The following SORBS2 variants were observed in gnomAD, a reference collection of about 807,000 sequenced individuals.
SORBS2 encodes the protein sorbin and SH3 domain containing 2.
Under a neutral mutation model 97.7 loss-of-function variants are expected in SORBS2, and 46 were observed. The observed-to-expected ratio is 0.47, with a 90% confidence interval of 0.37 to 0.60. The LOEUF (loss-of-function observed/expected upper bound fraction) is 0.60, where lower values mean the gene tolerates loss of function less well. SORBS2 is among the 20% of genes least tolerant of loss of function. The pLI is 0.00. For missense variants in SORBS2, 1,316 were observed against 1,282.3 expected, an observed-to-expected ratio of 1.03 and a Z score of -0.40; for synonymous variants, 476 against 473.4, an observed-to-expected ratio of 1.01 and a Z score of -0.07.
At chr4:185,664,042 GA>G (rs2097562110) in intron 4 of SORBS2, among the ~76,000 whole-genome samples, 1 of 151,570 alleles carries the variant, frequency 6.6e-6, no homozygotes, top group Non-Finnish European at 1.5e-5. Context: ...TTTTAGTAGA[GA>G]CGGGGTTTCA....
chr4:185,775,613 C>T (rs1584623460), intron 1 of SORBS2: 1 of 152,316 alleles, frequency 6.6e-6, no homozygotes, highest in Middle Eastern at 3.4e-3. Context: ...TTGAGGAAAA[C>T]TGCCAGCACC....
intron 1 of SORBS2, among the ~76,000 whole-genome samples, chr4:185,799,267 C>T (rs1447905561): frequency 2.0e-5 from 3 of 152,142 alleles, no homozygotes; most frequent in Non-Finnish European, 4.4e-5. Flanking sequence ...ATGAGATTCA[C>T]TTAAAGTTTG....
At chr4:185,794,850 G>A (rs1221170858) in intron 1 of SORBS2, among the ~76,000 whole-genome samples, 1 of 152,082 alleles carries the variant, frequency 6.6e-6, no homozygotes, top group African/African-American at 2.4e-5. Context: ...AATGTGGGAA[G>A]GATATAACAG....
At chr4:185,641,851 A>G (rs2097131772) in intron 4 of SORBS2, among the ~76,000 whole-genome samples, 2 of 152,116 alleles carry the variant, frequency 1.3e-5, no homozygotes, top group African/African-American at 2.4e-5. Context: ...AAAAGCTACA[A>G]CTATAAATCA....
upstream of SORBS2, among the ~76,000 whole-genome samples, chr4:185,659,574 G>A (rs575689966): frequency 6.4e-5 from 9 of 140,538 alleles, no homozygotes; most frequent in South Asian, 1.4e-3. Flanking sequence ...CCGCCATCAC[G>A]CCCAGCTAAT....
rs573535108 is a variant in SORBS2 at position 185,670,800 on chromosome 4, T to G, written c.-46+7623A>C. On this transcript the variant is annotated intron_variant, in intron 4 of 20. Transcript: ENST00000284776. ...TATGAGGAGACCTGCCTGGCAGCTG[T>G]GTCTGTTGCCGGATCATCATTTTGC... Among the ~76,000 whole-genome samples the G allele has an allele frequency of 2.0e-5, 3 of 152,232 alleles. No individual in the cohort carries two copies. The East Asian group carries it at 5.8e-4, about 29-fold the overall frequency.
chr4:185,662,227 T>G (rs775880804), exon 5 of SORBS2: 1 of 1,609,952 alleles, frequency 6.2e-7, no homozygotes, highest in Non-Finnish European at 8.5e-7. Flanking sequence ...GAGTTTCCAT[T>G]CACTGTTATC....
At chr4:185,922,884 C>T (rs913833317) in intron 1 of SORBS2, among the ~76,000 whole-genome samples, 3 of 152,070 alleles carry the variant, frequency 2.0e-5, no homozygotes, top group Admixed American at 6.6e-5. Context: ...GTTTAGTTTC[C>T]TTGCTAGTAA....
chr4:185,747,493 G>C (rs1314295340), intron 2 of SORBS2, among the ~76,000 whole-genome samples: 1 of 152,200 alleles, frequency 6.6e-6, no homozygotes, highest in Non-Finnish European at 1.5e-5. Context: ...GTGTGCTCAG[G>C]GGTACCTGGC....
chr4:185,742,994 A>C (rs2098736851), intron 2 of SORBS2, among the ~76,000 whole-genome samples: 1 of 152,164 alleles, frequency 6.6e-6, no homozygotes, highest in Non-Finnish European at 1.5e-5. Context: ...TGCACCTCCC[A>C]GCCCTTTGGA....
intron 1 of SORBS2, among the ~76,000 whole-genome samples, chr4:185,777,480 T>C (rs1396784375): frequency 6.6e-6 from 1 of 152,232 alleles, no homozygotes; most frequent in Non-Finnish European, 1.5e-5. Context: ...ATTTAAATAT[T>C]GGCTTTCCTT....
At chr4:185,636,734 C>T (rs1221500309) in intron 4 of SORBS2, among the ~76,000 whole-genome samples, 2 of 151,580 alleles carry the variant, frequency 1.3e-5, no homozygotes, top group South Asian at 2.1e-4. Context: ...CTGCAATCTC[C>T]GCCTCCCAGG....
Position 185,823,840 on chromosome 4 carries a change from A to C in SORBS2, c.-337-48474T>G, listed in dbSNP as rs114749175. ...TGAAATAGAACATTTTAAATCAACA[A>C]GTCAGGCTGGTTTGTCTGCGGTTCG... On this transcript the variant is annotated intron_variant, in intron 1 of 20. Coordinates refer to the SORBS2 transcript ENST00000284776. Among the ~76,000 whole-genome samples the C allele has an allele frequency of 6.8e-3, 1,034 of 152,298 alleles. 9 individuals carry two copies. Among genetic ancestry groups the C allele is most frequent in the African/African-American group, 0.023 (951 of 41,564 alleles).
chr4:185,703,411 A>G (rs2098294060), intron 2 of SORBS2, among the ~76,000 whole-genome samples: 1 of 152,218 alleles, frequency 6.6e-6, no homozygotes. Context: ...TCATGGAGGC[A>G]GCTTGGCATT....
intron 2 of SORBS2, among the ~76,000 whole-genome samples, chr4:185,742,647 C>T (rs773925683): frequency 2.6e-5 from 4 of 152,032 alleles, no homozygotes; most frequent in Non-Finnish European, 4.4e-5. Context: ...GCTGTTATCA[C>T]GGTAACAATA....
chr4:185,699,006 C>T (rs1417731710), intron 2 of SORBS2, among the ~76,000 whole-genome samples: 1 of 151,950 alleles, frequency 6.6e-6, no homozygotes, highest in Non-Finnish European at 1.5e-5. Flanking sequence ...TAAAAAGCCA[C>T]ACTTTTCTTC....
upstream of SORBS2, chr4:185,657,498 T>C (rs2097427407): frequency 1.3e-6 from 2 of 1,569,396 alleles, no homozygotes; most frequent in South Asian, 1.2e-5. Context: ...TTGATGACTG[T>C]CACTCTCTTC....
At chr4:185,768,956 T>C (rs1403448189) in intron 2 of SORBS2, among the ~76,000 whole-genome samples, 1 of 152,192 alleles carries the variant, frequency 6.6e-6, no homozygotes, top group Non-Finnish European at 1.5e-5. Flanking sequence ...TAAAAATGGA[T>C]GCCCTGGTCT....
At chr4:185,727,751 C>G (rs977007888) in intron 2 of SORBS2, among the ~76,000 whole-genome samples, 4 of 152,222 alleles carry the variant, frequency 2.6e-5, no homozygotes, top group African/African-American at 9.6e-5. Context: ...GTTTGCTACA[C>G]ATTTTAACAT....
Sources: gnomAD v4.1 joint callset for allele counts (sites outside exome capture counted in the v4.1 genomes callset) on GRCh38, gnomAD v4.1.1 for gene constraint, MANE v1.5 for transcripts, NCBI Gene and HGNC (gene_info 2026-07-23, HGNC 2026-07-21) for gene names.